CBFA2T2: variants seen among roughly 807,000 people sequenced by gnomAD.
CBFA2T2 encodes CBFA2/RUNX1 partner transcriptional co-repressor 2, also known as protein CBFA2T2.
In CBFA2T2, 11 loss-of-function variants were observed where a neutral mutation model predicts 62.2. That is an observed-to-expected ratio of 0.18 (90% CI 0.11 to 0.29). CBFA2T2 has a LOEUF of 0.29. CBFA2T2 is among the 10% of genes least tolerant of loss of function. The probability of loss-of-function intolerance (pLI) is 1.00; values close to 1 mark genes in which losing one functional copy is unlikely to be tolerated. For synonymous variants in CBFA2T2, 295 were observed against 287.5 expected (o/e 1.03, Z -0.27); for missense variants, 592 against 774.1 (o/e 0.76, Z 2.79).
chr20:33,600,192 T>TTTG (rs1259929600), intron 1 of CBFA2T2: 2 of 135,786 alleles, frequency 1.5e-5, no homozygotes, highest in African/African-American at 5.6e-5. Flanking sequence ...GTTTTTTTTT[T>TTTG]TTTTTTTTTT....
rs1359610687 is a variant in CBFA2T2, at chr20:33,576,989, C to CT, written c.35-29967_35-29966insT. On this transcript the variant is annotated intron_variant, in intron 1 of 10. Transcript: ENST00000342704. ...CCCTGTCCTAATTTTAGTTCAATGC[C>CT]AAAAAAAGATGGAGCACTCCATAAT... Among the ~76,000 whole-genome samples, 48 of 152,006 alleles carry CT rather than the reference C, an allele frequency of 3.2e-4. 1 individual carries two copies. The highest frequency in any genetic ancestry group is 5.9e-4 in the Non-Finnish European group (40 of 67,978).
At chr20:33,537,700 G>GT (rs1336664404) in intron 1 of CBFA2T2, among the ~76,000 whole-genome samples, 1 of 152,110 alleles carries the variant, frequency 6.6e-6, no homozygotes, top group Non-Finnish European at 1.5e-5. Context: ...TCCAAGTTCA[G>GT]TTTTTTGCAT....
intron 1 of CBFA2T2, among the ~76,000 whole-genome samples, chr20:33,520,493 G>A (rs193070507): frequency 2.0e-5 from 3 of 152,020 alleles, no homozygotes; most frequent in Non-Finnish European, 4.4e-5. Context: ...TAAGTAGGCC[G>A]GGTTTGGTGG....
intron 8 of CBFA2T2, among the ~76,000 whole-genome samples, chr20:33,634,593 C>T (rs2016563454): frequency 6.7e-6 from 1 of 150,184 alleles, no homozygotes; most frequent in African/African-American, 2.5e-5. Context: ...ATGGCTTGAG[C>T]CCAGGAGGCA....
At chr20:33,498,164 C>CA (rs1166972239) in intron 1 of CBFA2T2, among the ~76,000 whole-genome samples, 1 of 151,794 alleles carries the variant, frequency 6.6e-6, no homozygotes, top group African/African-American at 2.4e-5. Context: ...CTCCTAGGCT[C>CA]AAGTGATCCA....
At chr20:33,512,838 C>T (rs189322071) in intron 1 of CBFA2T2, among the ~76,000 whole-genome samples, 1 of 151,188 alleles carries the variant, frequency 6.6e-6, no homozygotes, top group Non-Finnish European at 1.5e-5. Context: ...CTGCAAGCTC[C>T]GCCTCCTGGG....
intron 4 of CBFA2T2, among the ~76,000 whole-genome samples, chr20:33,621,854 G>A (rs746201255): frequency 6.6e-6 from 1 of 152,070 alleles, no homozygotes; most frequent in African/African-American, 2.4e-5. Flanking sequence ...TTGAAGCCTC[G>A]GCTGCTCTGA....
intron 1 of CBFA2T2, among the ~76,000 whole-genome samples, chr20:33,526,485 G>C (rs1358705537): frequency 6.6e-6 from 1 of 152,146 alleles, no homozygotes; most frequent in East Asian, 1.9e-4. Flanking sequence ...TTCATCAGTT[G>C]ATGGATTTGT....
In CBFA2T2 at chr20:33,623,293, A is replaced by G. The variant is rs1416634228; in HGVS notation, c.689A>G (p.Glu230Gly). 7 of 1,614,192 alleles carry G rather than the reference A, an allele frequency of 4.3e-6. No individual in the cohort carries two copies. Among genetic ancestry groups the G allele is most frequent in the Non-Finnish European group, 5.1e-6 (6 of 1,180,034 alleles). Residue 230 changes from glutamate to glycine, a missense_variant, in exon 5 of 11, where the codon GAG becomes GGG. Glu to Gly is a moderately conservative substitution (Grantham distance 98). This residue lies in a region of CBFA2T2 where 449 missense variants were observed against 551.2 expected (regional missense o/e 0.81). Coordinates refer to ENST00000342704, the MANE Select transcript of CBFA2T2 (RefSeq NM_001032999.3). ...GGAAATGGGAAGAGGCCCAGTCCAG[A>G]GAGGTGAGCAGATGAGCTTTGCTGT... is the stretch of plus-strand genomic sequence containing the variant. Reference protein sequence around the residue: ...VHGNGKRPSPERREENSFDRD... With the variant: ...VHGNGKRPSPGRREENSFDRD...
intron 1 of CBFA2T2, among the ~76,000 whole-genome samples, chr20:33,555,409 C>CT (rs1283223844): frequency 6.6e-6 from 1 of 152,168 alleles, no homozygotes; most frequent in East Asian, 1.9e-4. Flanking sequence ...TGTCTTCACA[C>CT]TTTTTTGTCA....
intron 1 of CBFA2T2, among the ~76,000 whole-genome samples, chr20:33,510,777 C>T (rs1394338621): frequency 6.6e-6 from 1 of 152,182 alleles, no homozygotes; most frequent in African/African-American, 2.4e-5. Flanking sequence ...TCCTATTTCT[C>T]CACATCCTCT....
intron 1 of CBFA2T2, among the ~76,000 whole-genome samples, chr20:33,590,100 G>A (rs1353954436): frequency 2.6e-5 from 4 of 151,818 alleles, no homozygotes; most frequent in Non-Finnish European, 5.9e-5. Flanking sequence ...AGAAAAATTA[G>A]CTGGACATGT....
chr20:33,640,232 A>G, intron 9 of CBFA2T2, 109 bp from the exon 10 acceptor site: 1 of 971,826 alleles, frequency 1.0e-6, no homozygotes, highest in Non-Finnish European at 1.5e-6. Context: ...CTCCCTGTGG[A>G]GTTTTAGAAA....
chr20:33,525,144 T>G (rs1600928813), intron 1 of CBFA2T2, among the ~76,000 whole-genome samples: 1 of 150,290 alleles, frequency 6.7e-6, no homozygotes, highest in Admixed American at 6.6e-5. Context: ...CCGCTTTTTT[T>G]GTAAATGGCT....
At chr20:33,556,218 C>T (rs932306526) in intron 1 of CBFA2T2, among the ~76,000 whole-genome samples, 2 of 152,160 alleles carry the variant, frequency 1.3e-5, no homozygotes, top group African/African-American at 2.4e-5. Context: ...CCTCTTCTCC[C>T]CTCCTGGTAC....
chr20:33,512,886 G>C (rs539807472), intron 1 of CBFA2T2, among the ~76,000 whole-genome samples: 1 of 151,604 alleles, frequency 6.6e-6, no homozygotes, highest in Admixed American at 6.6e-5. Context: ...CCAAGTAGTT[G>C]GGACTACAGG....
chr20:33,632,428 A>G (rs2016485491), intron 8 of CBFA2T2, among the ~76,000 whole-genome samples: 1 of 150,142 alleles, frequency 6.7e-6, no homozygotes, highest in Non-Finnish European at 1.5e-5. Context: ...ATTGTCCTAT[A>G]TTGGGCAGTA....
At chr20:33,609,166 TTAA>T (rs147229317) in intron 2 of CBFA2T2, among the ~76,000 whole-genome samples, 2,824 of 152,300 alleles carry the variant, frequency 0.019, 77 homozygotes, top group African/African-American at 0.064. Context: ...TATTGTATTA[TTAA>T]TAAGTGAACA....
At chr20:33,629,400 G>A (rs1441906936) in intron 7 of CBFA2T2, among the ~76,000 whole-genome samples, 2 of 152,226 alleles carry the variant, frequency 1.3e-5, no homozygotes, top group African/African-American at 4.8e-5. Flanking sequence ...TTACAGTGCT[G>A]CAGACCCTAG....
Sources: gnomAD v4.1 joint callset for allele counts (sites outside exome capture counted in the v4.1 genomes callset) on GRCh38, gnomAD v4.1.1 for gene constraint, gnomAD v4.1.1 regional missense constraint, MANE v1.5 for transcripts, NCBI Gene and HGNC (gene_info 2026-07-23, HGNC 2026-07-21) for gene names.